DPP9: variants seen among roughly 807,000 people sequenced by gnomAD.
DPP9 encodes dipeptidyl peptidase 9.
Under a neutral mutation model 110.7 loss-of-function variants are expected in DPP9, and 50 were observed. The ratio of observed to expected loss-of-function variants is 0.45; its 90% CI spans 0.36 to 0.57. The LOEUF is 0.57. Ranked by LOEUF, DPP9 falls within the 20% of genes least tolerant of loss-of-function variation. DPP9 has a pLI of 0.00. For synonymous variants in DPP9, 561 were observed against 514.4 expected, an observed-to-expected ratio of 1.09 and a Z score of -1.23; for missense variants, 1,022 against 1,217.9, an observed-to-expected ratio of 0.84 and a Z score of 2.39.
Position 4,682,891 on chromosome 19 carries a change from C to T in DPP9, c.2332-53G>A, listed in dbSNP as rs1315361950. The T allele has an allele frequency of 5.2e-6, 8 of 1,547,480 alleles. No homozygotes were observed. The highest frequency in any genetic ancestry group is 2.0e-5 in the Admixed American group (1 of 51,264). On this transcript the variant is annotated intron_variant, in intron 19 of 21. Transcript: ENST00000262960. This position sits in a 1 kb window ranked among gnomAD's most constrained non-coding sequence, Gnocchi z 7.1. ...CAGAGAGAGAGAGAGAAACAGGCGT[C>T]GGGTCCTACAGCCAGCATCAGCCGC...
In DPP9 at chr19:4,685,548, C is replaced by T. The variant is rs2145430173; in HGVS notation, c.2031+78G>A. 2.8e-6 allele frequency: 4 copies of T among 1,443,822 alleles called. No homozygotes were observed. The highest frequency in any genetic ancestry group is 3.8e-6 in the Non-Finnish European group (4 of 1,057,944). 89.4% of individuals were successfully genotyped at this position (1,443,822 alleles called of 1,614,324 possible). ...GAGCCTCCTCTGGTTGACTGTTCTACAGCTGGCACTTGAGTGGGGATGGGG... is the reference window on the plus strand; with the variant it reads ...GAGCCTCCTCTGGTTGACTGTTCTATAGCTGGCACTTGAGTGGGGATGGGG... On this transcript the variant is annotated intron_variant, in intron 17 of 21. Coordinates refer to ENST00000262960, the MANE Select transcript of DPP9 (RefSeq NM_139159.5). The surrounding 1 kb of genome is among the most constrained non-coding windows in gnomAD (Gnocchi z 5.8).
chr19:4,695,271 G>T lies in DPP9; in HGVS notation c.1353+107C>A. The T allele has an allele frequency of 7.9e-7, 1 of 1,263,748 alleles. No individual in the cohort carries two copies. Among genetic ancestry groups the T allele is most frequent in the South Asian group, 1.6e-5 (1 of 63,740 alleles). 78.3% of individuals were successfully genotyped at this position (1,263,748 alleles called of 1,614,324 possible). A position where few individuals can be genotyped will look rare whatever the true frequency, so the allele number is the denominator to read the frequency against. Reference sequence around the variant, plus strand: ...GGCCTGAGCTCACTTCTCCACACAAGGGCAAACACCACCTGCCATTGGCGC... The same window carrying T: ...GGCCTGAGCTCACTTCTCCACACAATGGCAAACACCACCTGCCATTGGCGC... On this transcript the variant is annotated intron_variant, in intron 12 of 21. Transcript: ENST00000262960. The surrounding 1 kb of genome is among the most constrained non-coding windows in gnomAD (Gnocchi z 4.7).
intron 9 of DPP9, 61 bp downstream of exon 9, chr19:4,701,966 C>G: frequency 6.3e-7 from 1 of 1,581,180 alleles, no homozygotes; most frequent in Non-Finnish European, 8.6e-7. Context: ...TGCACCTCAC[C>G]AGCCATGCCC....
chr19:4,680,011 C>T (rs929936174), intron 20 of DPP9, 65 bp from the exon 21 acceptor site: 31 of 1,203,022 alleles, frequency 2.6e-5, no homozygotes, highest in Middle Eastern at 2.4e-4. Flanking sequence ...GGGAGCAGAT[C>T]ACAAGGTCAG....
rs2088835524 is a variant in DPP9, at chr19:4,676,428, C to T, written c.*136G>A. On this transcript the variant is annotated 3_prime_UTR_variant, in exon 22 of 22. Transcript: ENST00000262960. The surrounding 1 kb of genome is among the most constrained non-coding windows in gnomAD (Gnocchi z 4.0). ...GGCGTCGGGGCGGTGAAGGCAGCGG[C>T]TCCTCGGGGCTGGCCAGCGCTGGGC... 2 of 714,548 alleles carry T rather than the reference C, an allele frequency of 2.8e-6. No homozygotes were observed. The highest frequency in any genetic ancestry group is 3.3e-5 in the South Asian group (2 of 60,660). The allele number at this position is 714,548 out of a possible 1,614,324, so 44.3% of individuals were successfully genotyped here.
intron 4 of DPP9, among the ~76,000 whole-genome samples, chr19:4,711,822 C>G (rs2092848561): frequency 7.4e-6 from 1 of 135,852 alleles, no homozygotes; most frequent in Non-Finnish European, 1.6e-5. Flanking sequence ...GAATTTCAGA[C>G]AGAAGAGAAG....
intron 16 of DPP9, among the ~76,000 whole-genome samples, chr19:4,688,083 A>G (rs1011668847): frequency 4.6e-5 from 7 of 152,136 alleles, no homozygotes; most frequent in Admixed American, 4.6e-4. Context: ...GGCATGAGCC[A>G]CCGCGCCTGG....
rs930538062 is a variant in DPP9, at chr19:4,676,934, T to G, written c.2587-278A>C. Among the ~76,000 whole-genome samples, 1 of 152,122 alleles carries G rather than the reference T, an allele frequency of 6.6e-6. No homozygotes were observed. Among genetic ancestry groups the G allele is most frequent in the African/African-American group, 2.4e-5 (1 of 41,418 alleles). ...TGCACGCGCTTGCACAGAGGAAAGA[T>G]TTAGGAAGAAACCGTTTGCCTCTTT... On this transcript the variant is annotated intron_variant, in intron 21 of 21. Coordinates refer to ENST00000262960, the MANE Select transcript of DPP9 (RefSeq NM_139159.5). This position sits in a 1 kb window ranked among gnomAD's most constrained non-coding sequence, Gnocchi z 4.0.
chr19:4,707,222 A>G (rs1478280186), intron 4 of DPP9, among the ~76,000 whole-genome samples: 1 of 152,130 alleles, frequency 6.6e-6, no homozygotes, highest in South Asian at 2.1e-4. Flanking sequence ...CCACCTACGC[A>G]TGTCTCTGGG....
chr19:4,720,822 A>G (rs1009982810), intron 2 of DPP9, among the ~76,000 whole-genome samples: 1 of 152,162 alleles, frequency 6.6e-6, no homozygotes, highest in African/African-American at 2.4e-5. Flanking sequence ...ACTTGGGGAG[A>G]AACTTGAGTT....
At chr19:4,699,158 CAAAA>C (rs144927941) in intron 10 of DPP9, among the ~76,000 whole-genome samples, 1 of 50,906 alleles carries the variant, frequency 2.0e-5, no homozygotes. Flanking sequence ...GACTCCACCT[CAAAA>C]AAAAAAAAAA....
intron 3 of DPP9, among the ~76,000 whole-genome samples, chr19:4,716,400 G>A (rs1367523553): frequency 6.6e-6 from 1 of 152,152 alleles, no homozygotes; most frequent in African/African-American, 2.4e-5. Flanking sequence ...CACTTCGGGA[G>A]GCCAAGGCAG....
rs967731371 is a variant in DPP9, at chr19:4,718,229, T to C, written c.56+1622A>G. Among the ~76,000 whole-genome samples the C allele has an allele frequency of 1.3e-5, 2 of 151,912 alleles. No individual in the cohort carries two copies. Among genetic ancestry groups the C allele is most frequent in the African/African-American group, 4.8e-5 (2 of 41,328 alleles). On this transcript the variant is annotated intron_variant, in intron 3 of 21. Transcript: ENST00000262960. The surrounding 1 kb of genome is among the most constrained non-coding windows in gnomAD (Gnocchi z 4.3). ...AAGCCACCGTGCCCAGCTCCAAAGCTCTGTGATGTCTGTGTCTGAGCTGGT... is the reference window on the plus strand; with the variant it reads ...AAGCCACCGTGCCCAGCTCCAAAGCCCTGTGATGTCTGTGTCTGAGCTGGT...
At chr19:4,713,044 C>A (rs1030572682) in intron 4 of DPP9, among the ~76,000 whole-genome samples, 2 of 152,214 alleles carry the variant, frequency 1.3e-5, no homozygotes, top group Non-Finnish European at 2.9e-5. Flanking sequence ...GAACACTTGG[C>A]GATGTCTGAG....
intron 4 of DPP9, among the ~76,000 whole-genome samples, chr19:4,713,620 T>C (rs948530817): frequency 6.6e-6 from 1 of 152,240 alleles, no homozygotes; most frequent in Non-Finnish European, 1.5e-5. Context: ...GGGATCCTTC[T>C]TGACGCACCT....
In DPP9 at chr19:4,694,386, C is replaced by A. The variant is rs1233906139; in HGVS notation, c.1516+275G>T. Reference sequence around the variant, plus strand: ...AACACAGGTGGTGGGCCGGATTTGACCTGTGGGCCGTAGGTGGCCAACCCC... The same window carrying A: ...AACACAGGTGGTGGGCCGGATTTGAACTGTGGGCCGTAGGTGGCCAACCCC... On this transcript the variant is annotated intron_variant, in intron 13 of 21. Coordinates refer to ENST00000262960, the MANE Select transcript of DPP9 (RefSeq NM_139159.5). The surrounding 1 kb of genome is among the most constrained non-coding windows in gnomAD (Gnocchi z 4.0). The A allele has an allele frequency of 5.7e-6, 3 of 525,382 alleles. No homozygotes were observed. The African/African-American group carries it at 5.8e-5, about 10-fold the overall frequency. The allele number at this position is 525,382 out of a possible 1,614,324, so 32.5% of individuals were successfully genotyped here. A position where few individuals can be genotyped will look rare whatever the true frequency, so the allele number is the denominator to read the frequency against.
chr19:4,713,868 G>A (rs930791441), intron 4 of DPP9, among the ~76,000 whole-genome samples: 8 of 152,056 alleles, frequency 5.3e-5, no homozygotes, highest in African/African-American at 9.7e-5. Flanking sequence ...CTCCCTGCAC[G>A]GCTGACCCTC....
intron 13 of DPP9, among the ~76,000 whole-genome samples, chr19:4,691,548 T>C (rs546998079): frequency 6.6e-6 from 1 of 150,578 alleles, no homozygotes; most frequent in East Asian, 2.0e-4. Context: ...TTCCCAATTT[T>C]AGAACCCTCC....
Position 4,702,108 on chromosome 19 carries a change from C to T in DPP9, c.931G>A (p.Glu311Lys). ...TLRILYEEVD[E>K]SEVEVIHVPS... Reference sequence around the variant, plus strand: ...ACGTGAATGACCTCCACCTCGGACTCATCGACTTCCTCATACAGGATTCGC... The same window carrying T: ...ACGTGAATGACCTCCACCTCGGACTTATCGACTTCCTCATACAGGATTCGC... The change falls in exon 9 of 22, where the codon GAG becomes AAG. Residue 311 changes from glutamate (E) to lysine (K), a missense_variant. Around this residue, in one of 3 missense-constraint regions of DPP9, gnomAD observed 810 missense variants for 920.6 expected, o/e 0.88. Coordinates refer to ENST00000262960, the MANE Select transcript of DPP9 (RefSeq NM_139159.5). 3 of 1,613,912 alleles carry T rather than the reference C, an allele frequency of 1.9e-6. No homozygotes were observed. Among genetic ancestry groups the T allele is most frequent in the Non-Finnish European group, 2.5e-6 (3 of 1,179,812 alleles).
Sources: allele counts gnomAD v4.1 joint callset (sites outside exome capture counted in the v4.1 genomes callset), GRCh38; gene constraint gnomAD v4.1.1; regional missense constraint gnomAD v4.1.1; non-coding constraint Gnocchi (gnomAD v3.1); transcripts MANE v1.5; gene names NCBI Gene and HGNC (gene_info 2026-07-23, HGNC 2026-07-21).